The following ADAMTS9 variants were observed in gnomAD, a reference collection of about 807,000 sequenced individuals.
ADAMTS9 encodes A disintegrin and metalloproteinase with thrombospondin motifs 9.
In ADAMTS9, 107 loss-of-function variants were observed where a neutral mutation model predicts 257.1. That is an observed-to-expected ratio of 0.42 (90% CI 0.36 to 0.49). The LOEUF is 0.49. Among genes scored for constraint, ADAMTS9 ranks in the 20% least tolerant of loss-of-function variants. ADAMTS9 has a pLI of 0.03. For synonymous variants in ADAMTS9, 982 were observed against 880.9 expected (o/e 1.11, Z -2.03); for missense variants, 2,353 against 2,469.1 (o/e 0.95, Z 1.00).
Position 64,651,232 on chromosome 3 carries a change from A to G in ADAMTS9, c.1317-69T>C, listed in dbSNP as rs554963922. On this transcript the variant is annotated intron_variant, in intron 8 of 39. Coordinates refer to ENST00000498707, the MANE Select transcript of ADAMTS9 (RefSeq NM_182920.2). ...GGGATCATGCTGTTCTAATTGCTTC[A>G]GGAATGCAACTATCTAAGAGAAAAA... 19 of 1,395,298 alleles carry G rather than the reference A, an allele frequency of 1.4e-5. No homozygotes were observed. The South Asian group carries it at 2.5e-4, about 18-fold the overall frequency. 86.4% of individuals were successfully genotyped at this position (1,395,298 alleles called of 1,614,324 possible).
At chr3:64,596,791 C>G (rs781550654) in intron 27 of ADAMTS9, 39 bp downstream of exon 27, 1 of 1,610,392 alleles carries the variant, frequency 6.2e-7, no homozygotes, top group Non-Finnish European at 8.5e-7. Context: ...TTGGTTAACA[C>G]AATTCCTCTG....
Position 64,568,403 on chromosome 3 carries a change from T to G in ADAMTS9, c.4489A>C (p.Arg1497=). 1 of 1,612,230 alleles carries G rather than the reference T, an allele frequency of 6.2e-7. No homozygotes were observed. Among genetic ancestry groups the G allele is most frequent in the Non-Finnish European group, 8.5e-7 (1 of 1,179,548 alleles). Residue 1497 remains arginine, a synonymous_variant, in exon 29 of 40, where the codon AGA becomes CGA. Coordinates refer to ENST00000498707, the MANE Select transcript of ADAMTS9 (RefSeq NM_182920.2). ...PHGHRKCRGG[R]CPKWKAGAWS... ...GCGCCAGCTTTCCATTTGGGGCATC[T>G]TCCTCCTCGGCACTTTCTGTGCCCA...
At chr3:64,628,586 C>A (rs911477293) in intron 16 of ADAMTS9, among the ~76,000 whole-genome samples, 4 of 152,116 alleles carry the variant, frequency 2.6e-5, no homozygotes, top group Non-Finnish European at 5.9e-5. Context: ...ATTCCCCCCC[C>A]AAAATAATTT....
At chr3:64,563,974 G>T (rs369026902) in intron 29 of ADAMTS9, among the ~76,000 whole-genome samples, 4 of 152,334 alleles carry the variant, frequency 2.6e-5, no homozygotes, top group Admixed American at 6.5e-5. Context: ...AGAGATTTGT[G>T]CAGGCACCCC....
chr3:64,630,664 T>C (rs1559800712), intron 16 of ADAMTS9, among the ~76,000 whole-genome samples: 1 of 152,066 alleles, frequency 6.6e-6, no homozygotes, highest in Admixed American at 6.5e-5. Flanking sequence ...AAATAGCTAA[T>C]GCATGCTGGG....
intron 38 of ADAMTS9, among the ~76,000 whole-genome samples, chr3:64,524,946 G>A (rs1273692861): frequency 1.3e-5 from 2 of 152,076 alleles, no homozygotes; most frequent in Admixed American, 6.6e-5. Flanking sequence ...TGTGCATACT[G>A]TACCACCTCA....
chr3:64,671,943 C>T (rs1701501251), intron 3 of ADAMTS9, among the ~76,000 whole-genome samples: 1 of 152,082 alleles, frequency 6.6e-6, no homozygotes, highest in Non-Finnish European at 1.5e-5. Flanking sequence ...AATGTTAAAC[C>T]TCAATGCATG....
At chr3:64,576,088 A>G (rs777900582) in intron 28 of ADAMTS9, among the ~76,000 whole-genome samples, 1 of 152,188 alleles carries the variant, frequency 6.6e-6, no homozygotes, top group Non-Finnish European at 1.5e-5. Context: ...TACGTTGAAG[A>G]TTCCTTCTGT....
In ADAMTS9 at chr3:64,568,380, G is replaced by A. The variant is rs1284916810; in HGVS notation, c.4512C>T (p.Gly1504=). The change falls in exon 29 of 40, where the codon GGC becomes GGT. Residue 1504 remains glycine, a synonymous_variant. Coordinates refer to ENST00000498707, the MANE Select transcript of ADAMTS9 (RefSeq NM_182920.2). ...AAGCATTGCTCACCTGACTCCAAGC[G>A]CCAGCTTTCCATTTGGGGCATCTTC... ...RGGRCPKWKA[G]AWSQCSVSCG... is the part of the protein sequence containing the mutation. 4.3e-6 allele frequency: 7 copies of A among 1,609,442 alleles called. No homozygotes were observed. The highest frequency in any genetic ancestry group is 1.7e-5 in the Admixed American group (1 of 58,534).
intron 3 of ADAMTS9, among the ~76,000 whole-genome samples, chr3:64,660,025 T>A (rs1701186390): frequency 6.6e-6 from 1 of 152,196 alleles, no homozygotes; most frequent in Non-Finnish European, 1.5e-5. Context: ...AAATACTGAA[T>A]TTTTGCATCA....
rs1166302987 is a variant in ADAMTS9 at position 64,517,052 on chromosome 3, A to G, written c.*75T>C. On this transcript the variant is annotated 3_prime_UTR_variant, in exon 40 of 40. Transcript: ENST00000498707. ...CAAACACACACACACATACACATGC[A>G]CCCAAATTAAGGTGGAGGTATTGCA... 6.6e-6 allele frequency: 1 copy of G among 152,540 alleles called. No individual in the cohort carries two copies. Among genetic ancestry groups the G allele is most frequent in the Non-Finnish European group, 1.5e-5 (1 of 68,028 alleles). 9.4% of individuals were successfully genotyped at this position (152,540 alleles called of 1,614,324 possible).
At chr3:64,548,013 C>G (rs929693198) in intron 31 of ADAMTS9, among the ~76,000 whole-genome samples, 2 of 152,070 alleles carry the variant, frequency 1.3e-5, no homozygotes, top group African/African-American at 4.8e-5. Flanking sequence ...TCTAGACTTA[C>G]GGTTCTTGGG....
intron 38 of ADAMTS9, among the ~76,000 whole-genome samples, chr3:64,532,751 C>T (rs2082998918): frequency 6.6e-6 from 1 of 152,158 alleles, no homozygotes; most frequent in African/African-American, 2.4e-5. Context: ...AGTTATCTGT[C>T]TTCTAGCTCC....
chr3:64,652,588 T>C (rs559303951), intron 8 of ADAMTS9, among the ~76,000 whole-genome samples: 3 of 152,300 alleles, frequency 2.0e-5, no homozygotes, highest in Non-Finnish European at 4.4e-5. Flanking sequence ...TCAAGTTTAT[T>C]ACCTCATGTA....
intron 12 of ADAMTS9, among the ~76,000 whole-genome samples, chr3:64,634,223 T>A (rs1700438934): frequency 6.6e-6 from 1 of 152,134 alleles, no homozygotes; most frequent in African/African-American, 2.4e-5. Context: ...TTTTTGTTCC[T>A]TTTCTTCCCA....
intron 31 of ADAMTS9, among the ~76,000 whole-genome samples, chr3:64,549,316 G>A (rs1323711843): frequency 6.6e-6 from 1 of 152,046 alleles, no homozygotes; most frequent in East Asian, 1.9e-4. Flanking sequence ...TTATATTAAA[G>A]CTATAGGAGT....
At chr3:64,523,404 T>G (rs1463083897) in intron 38 of ADAMTS9, among the ~76,000 whole-genome samples, 2 of 152,122 alleles carry the variant, frequency 1.3e-5, no homozygotes, top group South Asian at 2.1e-4. Flanking sequence ...ACTAGTGGAA[T>G]AGTGGAACAA....
intron 28 of ADAMTS9, among the ~76,000 whole-genome samples, chr3:64,573,839 A>G (rs1333747957): frequency 1.3e-5 from 2 of 152,206 alleles, no homozygotes; most frequent in Admixed American, 1.3e-4. Context: ...TGTACCTACT[A>G]TTCCACTGAA....
intron 25 of ADAMTS9, among the ~76,000 whole-genome samples, chr3:64,602,891 G>C (rs2084491884): frequency 6.6e-6 from 1 of 152,054 alleles, no homozygotes; most frequent in African/African-American, 2.4e-5. Flanking sequence ...TGAAGGTAGG[G>C]GCTTTATTAT....
Sources: allele counts gnomAD v4.1 joint callset (sites outside exome capture counted in the v4.1 genomes callset), GRCh38; gene constraint gnomAD v4.1.1; transcripts MANE v1.5; gene names NCBI Gene and HGNC (gene_info 2026-07-23, HGNC 2026-07-21).